NELL1: variants seen among roughly 807,000 people sequenced by gnomAD.
NELL1 encodes neural EGFL like 1.
Under a neutral mutation model 107.4 loss-of-function variants are expected in NELL1, and 76 were observed. The ratio of observed to expected loss-of-function variants is 0.71; its 90% CI spans 0.59 to 0.86. The LOEUF (loss-of-function observed/expected upper bound fraction) is 0.86, where lower values mean the gene tolerates loss of function less well. Among genes scored for constraint, NELL1 ranks in the 40% least tolerant of loss-of-function variants. The probability of loss-of-function intolerance (pLI) is 0.00; values close to 1 mark genes in which losing one functional copy is unlikely to be tolerated. For synonymous variants in NELL1, 353 were observed against 341.2 expected, an observed-to-expected ratio of 1.03 and a Z score of -0.38; for missense variants, 1,024 against 1,005.5, an observed-to-expected ratio of 1.02 and a Z score of -0.25.
intron 15 of NELL1, among the ~76,000 whole-genome samples, chr11:21,493,536 A>C (rs912588550): frequency 5.3e-5 from 8 of 152,160 alleles, no homozygotes; most frequent in Admixed American, 3.9e-4. Context: ...CTAAAAAAAA[A>C]AAAATTGATC....
chr11:21,281,995 A>G (rs2133948394), intron 14 of NELL1, among the ~76,000 whole-genome samples: 1 of 152,328 alleles, frequency 6.6e-6, no homozygotes, highest in Non-Finnish European at 1.5e-5. Flanking sequence ...AAGTGGGCAA[A>G]TGGGATCACA....
intron 15 of NELL1, among the ~76,000 whole-genome samples, chr11:21,528,206 T>G (rs1257481748): frequency 3.9e-5 from 6 of 152,220 alleles, no homozygotes; most frequent in Non-Finnish European, 5.9e-5. Context: ...TTTGTAGTTT[T>G]TAGATTGATC....
chr11:20,992,610 A>C (rs943445818), intron 12 of NELL1, among the ~76,000 whole-genome samples: 2 of 151,840 alleles, frequency 1.3e-5, no homozygotes, highest in Admixed American at 6.6e-5. Flanking sequence ...GGTGAAGAGT[A>C]ATTGGTACTG....
At chr11:20,789,481 C>T (rs1489384408) in intron 3 of NELL1, among the ~76,000 whole-genome samples, 1 of 152,224 alleles carries the variant, frequency 6.6e-6, no homozygotes, top group Non-Finnish European at 1.5e-5. Flanking sequence ...AAGAGGGAGT[C>T]ACAGCCCTGG....
intron 16 of NELL1, among the ~76,000 whole-genome samples, chr11:21,546,224 A>G (rs1050184186): frequency 1.3e-5 from 2 of 151,996 alleles, no homozygotes; most frequent in Non-Finnish European, 2.9e-5. Context: ...TTTATAATTC[A>G]GTCTCAGGGG....
intron 12 of NELL1, among the ~76,000 whole-genome samples, chr11:20,976,932 T>TGTTTCTC (rs1333376323): frequency 1.3e-5 from 2 of 152,002 alleles, no homozygotes. Flanking sequence ...TCTTCCATAA[T>TGTTTCTC]TTACTGAACC....
At chr11:20,724,159 G>A (rs1855457724) in intron 2 of NELL1, among the ~76,000 whole-genome samples, 1 of 152,232 alleles carries the variant, frequency 6.6e-6, no homozygotes, top group South Asian at 2.1e-4. Context: ...GATGGAAGGG[G>A]TTGCCTTGAA....
intron 14 of NELL1, among the ~76,000 whole-genome samples, chr11:21,310,857 T>G (rs1849735022): frequency 6.6e-6 from 1 of 152,120 alleles, no homozygotes; most frequent in Non-Finnish European, 1.5e-5. Context: ...TGCAGAGACC[T>G]GAGTGCATGT....
intron 14 of NELL1, among the ~76,000 whole-genome samples, chr11:21,337,791 T>TCTTTCTTG (rs1555006161): frequency 1.2e-3 from 128 of 109,638 alleles, no homozygotes; most frequent in Non-Finnish European, 1.3e-3. Context: ...TTTCTTTCTT[T>TCTTTCTTG]CTTTCCTTCT....
At chr11:21,133,605 G>T (rs537704869) in intron 13 of NELL1, among the ~76,000 whole-genome samples, 1 of 152,176 alleles carries the variant, frequency 6.6e-6, no homozygotes, top group Non-Finnish European at 1.5e-5. Flanking sequence ...TGGTGTGTCA[G>T]TGCTGCCCTG....
At chr11:20,836,808 A>G (rs1370324316) in intron 3 of NELL1, among the ~76,000 whole-genome samples, 1 of 111,756 alleles carries the variant, frequency 8.9e-6, no homozygotes, top group African/African-American at 2.7e-5. Flanking sequence ...GAGTTAGGGG[A>G]GAGCTAAATA....
At chr11:20,884,111 T>C (rs1187600857) in intron 4 of NELL1, among the ~76,000 whole-genome samples, 1 of 152,164 alleles carries the variant, frequency 6.6e-6, no homozygotes, top group Non-Finnish European at 1.5e-5. Flanking sequence ...CTGAAAACCT[T>C]GCATGTATTA....
intron 19 of NELL1, among the ~76,000 whole-genome samples, chr11:21,574,600 T>C (rs1857180109): frequency 6.6e-6 from 1 of 151,844 alleles, no homozygotes; most frequent in African/African-American, 2.4e-5. Flanking sequence ...AATAGCTTCT[T>C]AAATGACAAA....
rs1252816605 is a variant in NELL1, at chr11:20,730,532, C to A, written c.184+52472C>A. ...GGCAGAATCGGTACTTGAACCTAGA[C>A]CTCTTTGATACCACACCTTGGGCTT... On this transcript the variant is annotated intron_variant, in intron 2 of 19. Transcript: ENST00000357134. Among the ~76,000 whole-genome samples the A allele has an allele frequency of 3.3e-5, 5 of 152,138 alleles. No individual in the cohort carries two copies. The East Asian group carries it at 9.6e-4, about 29-fold the overall frequency.
chr11:21,538,829 C>T (rs1368521241), intron 16 of NELL1, among the ~76,000 whole-genome samples: 1 of 152,078 alleles, frequency 6.6e-6, no homozygotes, highest in East Asian at 1.9e-4. Flanking sequence ...ATTCAGACTC[C>T]TCGGAATGTC....
Position 20,978,688 on chromosome 11 carries a change from T to C in NELL1, c.1300+18128T>C, listed in dbSNP as rs528160208. Among the ~76,000 whole-genome samples, 39 of 152,312 alleles carry C rather than the reference T, an allele frequency of 2.6e-4. 2 individuals are homozygous for C. In the East Asian group the frequency reaches 4.1e-3, roughly 16 times the overall value. On this transcript the variant is annotated intron_variant, in intron 12 of 19. Coordinates refer to ENST00000357134, the MANE Select transcript of NELL1 (RefSeq NM_006157.5). ...CTATGGAGAACTTCAGGATAGAATT[T>C]AGCAGAATACTTAACCTGGCCCTGT... is the stretch of plus-strand genomic sequence containing the variant.
intron 5 of NELL1, among the ~76,000 whole-genome samples, chr11:20,904,000 A>G (rs929293930): frequency 1.3e-5 from 2 of 152,158 alleles, no homozygotes; most frequent in African/African-American, 4.8e-5. Context: ...GTAGGACAAC[A>G]GTCTCTGGTT....
Position 21,570,849 on chromosome 11 carries a change from G to A in NELL1, c.2066G>A (p.Arg689Lys), listed in dbSNP as rs1300374293. 6.2e-7 allele frequency: 1 copy of A among 1,612,064 alleles called. No individual in the cohort carries two copies. The highest frequency in any genetic ancestry group is 1.7e-5 in the Admixed American group (1 of 59,856). Residue 689 changes from arginine to lysine, a missense_variant, in exon 18 of 20, where the codon AGA becomes AAA. Physicochemically the swap from Arg to Lys is conservative, Grantham distance 26. Coordinates refer to ENST00000357134, the MANE Select transcript of NELL1 (RefSeq NM_006157.5). Reference protein sequence around the residue: ...DLFCCPECDTRVTSQCLDQNG... With the variant: ...DLFCCPECDTKVTSQCLDQNG... ...TTCTGTTGCCCAGAATGTGACACCA[G>A]AGTCACAAGTCAATGTTTAGACCAA...
intron 15 of NELL1, among the ~76,000 whole-genome samples, chr11:21,482,351 C>T (rs1203689652): frequency 1.3e-5 from 2 of 152,118 alleles, no homozygotes; most frequent in Non-Finnish European, 2.9e-5. Context: ...GTCATATGCC[C>T]TACACTCTAG....
Sources: allele counts gnomAD v4.1 joint callset (sites outside exome capture counted in the v4.1 genomes callset), GRCh38; gene constraint gnomAD v4.1.1; transcripts MANE v1.5; gene names NCBI Gene and HGNC (gene_info 2026-07-23, HGNC 2026-07-21).